Variants in CD2AP observed in about 807,000 individuals in gnomAD.
The protein encoded by CD2AP is CD2 associated protein, also known as CD2-associated protein.
CD2AP carries 46 observed loss-of-function variants against 85.1 expected under a neutral mutation model. That is an observed-to-expected ratio of 0.54 (90% confidence interval 0.43 to 0.69). The LOEUF (loss-of-function observed/expected upper bound fraction) is 0.69, where lower values mean the gene tolerates loss of function less well. Ranked by LOEUF, CD2AP falls within the 30% of genes least tolerant of loss-of-function variation. CD2AP has a pLI of 0.00. For missense variants in CD2AP, 769 were observed against 729.5 expected (o/e 1.05, Z -0.62); for synonymous variants, 255 against 252.9 (o/e 1.01, Z -0.08).
At chr6:47,600,484 T>G (rs1420709410) in intron 13 of CD2AP, among the ~76,000 whole-genome samples, 3 of 151,982 alleles carry the variant, frequency 2.0e-5, no homozygotes, top group Admixed American at 1.3e-4. Context: ...GCAAAGTTTC[T>G]GACTTAAAGT....
intron 17 of CD2AP, among the ~76,000 whole-genome samples, chr6:47,622,720 G>T (rs971098562): frequency 6.6e-6 from 1 of 152,158 alleles, no homozygotes; most frequent in Non-Finnish European, 1.5e-5. Context: ...AGAGCAGTCC[G>T]CTTTCTTCAG....
chr6:47,488,172 TATAA>T (rs139020301), intron 1 of CD2AP, among the ~76,000 whole-genome samples: 2,371 of 152,220 alleles, frequency 0.016, 42 homozygotes, highest in African/African-American at 0.038. Context: ...ACTCCGTGTG[TATAA>T]ATAAAGGGAA....
At chr6:47,623,404 C>T (rs1011780045) in intron 17 of CD2AP, among the ~76,000 whole-genome samples, 5 of 152,046 alleles carry the variant, frequency 3.3e-5, no homozygotes, top group African/African-American at 1.2e-4. Flanking sequence ...GAAGAGAAAT[C>T]AATATAAAAA....
At chr6:47,612,623 C>T (rs1302138217) in intron 17 of CD2AP, 87 bp downstream of exon 17, 4 of 847,994 alleles carry the variant, frequency 4.7e-6, no homozygotes, top group East Asian at 5.2e-5. Flanking sequence ...GGTTCCTGTA[C>T]AAATTATGCT....
At chr6:47,484,109 C>G (rs537417435) in intron 1 of CD2AP, among the ~76,000 whole-genome samples, 58 of 151,692 alleles carry the variant, frequency 3.8e-4, no homozygotes, top group African/African-American at 1.4e-3. Context: ...TGGCAATACT[C>G]CCTCATACTC....
chr6:47,592,578 C>A (rs1768831805), intron 11 of CD2AP, among the ~76,000 whole-genome samples: 2 of 152,102 alleles, frequency 1.3e-5, no homozygotes, highest in Non-Finnish European at 2.9e-5. Context: ...TTATTTATAA[C>A]AAGCATCTTT....
Position 47,518,788 on chromosome 6 carries a change from C to G in CD2AP, c.166-14814C>G, listed in dbSNP as rs1766513765. ...TCTAGTTGTACATCTTTTTAAAAAT[C>G]AACCACATGTCCCTTTTTGCAATAG... On this transcript the variant is annotated intron_variant, in intron 2 of 17. Coordinates refer to ENST00000359314, the MANE Select transcript of CD2AP (RefSeq NM_012120.3). Among the ~76,000 whole-genome samples, 3 of 152,218 alleles carry G rather than the reference C, an allele frequency of 2.0e-5. No homozygotes were observed. The South Asian group carries it at 6.2e-4, about 32-fold the overall frequency.
At chr6:47,547,841 G>T (rs1001050121) in intron 4 of CD2AP, among the ~76,000 whole-genome samples, 1 of 151,996 alleles carries the variant, frequency 6.6e-6, no homozygotes, top group African/African-American at 2.4e-5. Context: ...ACACCACAGC[G>T]AAATAAAACT....
intron 1 of CD2AP, among the ~76,000 whole-genome samples, chr6:47,495,597 C>T (rs1017950146): frequency 9.2e-5 from 14 of 152,140 alleles, no homozygotes; most frequent in African/African-American, 3.1e-4. Flanking sequence ...TAGATCTCGT[C>T]CGTGACTCTC....
intron 2 of CD2AP, among the ~76,000 whole-genome samples, chr6:47,520,969 T>A (rs1766573624): frequency 6.6e-6 from 1 of 152,112 alleles, no homozygotes; most frequent in Non-Finnish European, 1.5e-5. Flanking sequence ...GTGAACTCAC[T>A]GCCATGTTGT....
At position 47,501,733 on chromosome 6, in the gene CD2AP, A is replaced by AT. The variant is rs546258089; in HGVS notation, c.5-1546dup. 1.2e-3 allele frequency among the ~76,000 whole-genome samples: 182 copies of AT among 152,118 alleles called. 2 individuals are homozygous for AT. Among genetic ancestry groups the AT allele is most frequent in the African/African-American group, 4.2e-3 (174 of 41,504 alleles). On this transcript the variant is annotated intron_variant, in intron 1 of 17. Transcript: ENST00000359314. Reference sequence around the variant, plus strand: ...GGAGGAAGAAAAGATGAATGGGGATATGGCTAGTCTGCTATCTTGAGCAGG... The same window carrying AT: ...GGAGGAAGAAAAGATGAATGGGGATATTGGCTAGTCTGCTATCTTGAGCAGG...
In CD2AP at chr6:47,599,340, A is replaced by G; in HGVS notation, c.1314A>G (p.Glu438=). Residue 438 remains glutamate (E), a synonymous_variant, in exon 13 of 18, where the codon GAA becomes GAG. Transcript: ENST00000359314. ...GEVSSISSKF[E]TEPVSKLKLD... The stretch of plus-strand genomic sequence containing the variant: ...TTTCTAGCATTTCATCAAAATTTGA[A>G]ACTGAGCCAGTATCAAAACTAAAGC... 3.1e-6 allele frequency: 5 copies of G among 1,612,118 alleles called. No individual in the cohort carries two copies. The highest frequency in any genetic ancestry group is 4.2e-6 in the Non-Finnish European group (5 of 1,178,688).
chr6:47,536,049 C>T (rs1767036243), intron 3 of CD2AP, among the ~76,000 whole-genome samples: 1 of 152,094 alleles, frequency 6.6e-6, no homozygotes, highest in South Asian at 2.1e-4. Context: ...GCAGTTGGTG[C>T]CAGGAAGCTT....
At chr6:47,501,327 A>G (rs1176344916) in intron 1 of CD2AP, among the ~76,000 whole-genome samples, 1 of 152,240 alleles carries the variant, frequency 6.6e-6, no homozygotes, top group Admixed American at 6.5e-5. Flanking sequence ...TACATAGACT[A>G]TCTGTAGACC....
At chr6:47,514,972 A>T (rs1208685895) in intron 2 of CD2AP, among the ~76,000 whole-genome samples, 2 of 151,946 alleles carry the variant, frequency 1.3e-5, no homozygotes, top group African/African-American at 4.8e-5. Flanking sequence ...GAATTGCTTG[A>T]ACCCAGGAGG....
chr6:47,582,005 C>G lies in CD2AP; in HGVS notation c.1048C>G (p.Pro350Ala). Residue 350 changes from proline to alanine, a missense_variant and splice_region_variant, in exon 11 of 18, where the codon CCA (proline) becomes GCA (alanine). Transcript: ENST00000359314. ...AGTATTAATGTTTTTTCCCATAGCTCCAAAGCCTGAACTGATAGCTGCAGA... is the reference window on the plus strand; with the variant it reads ...AGTATTAATGTTTTTTCCCATAGCTGCAAAGCCTGAACTGATAGCTGCAGA... ...KPPPPAKAPAPKPELIAAEKK... is the reference protein window; with the variant it reads ...KPPPPAKAPAAKPELIAAEKK... 1 of 1,601,026 alleles carries G rather than the reference C, an allele frequency of 6.2e-7. No individual in the cohort carries two copies. Among genetic ancestry groups the G allele is most frequent in the East Asian group, 2.2e-5 (1 of 44,680 alleles).
At chr6:47,531,137 AGAGTAAAAAATT>A (rs2114021922) in intron 2 of CD2AP, among the ~76,000 whole-genome samples, 1 of 152,208 alleles carries the variant, frequency 6.6e-6, no homozygotes, top group South Asian at 2.1e-4. Context: ...TCAGCTTTTA[AGAGTAAAAAATT>A]TCTTTAAGAA....
At chr6:47,558,850 G>A (rs900473132) in intron 5 of CD2AP, among the ~76,000 whole-genome samples, 6 of 152,128 alleles carry the variant, frequency 3.9e-5, no homozygotes, top group Non-Finnish European at 8.8e-5. Flanking sequence ...AATGAGTTAC[G>A]GAGGAGTCCT....
intron 16 of CD2AP, 142 bp from the exon 17 acceptor site, chr6:47,612,331 C>T (rs1022703516): frequency 4.8e-6 from 3 of 631,516 alleles, no homozygotes; most frequent in African/African-American, 3.7e-5. Context: ...GAGAATCTTA[C>T]ATTTTTCTTA....
Sources: gnomAD v4.1 joint callset for allele counts (sites outside exome capture counted in the v4.1 genomes callset) on GRCh38, gnomAD v4.1.1 for gene constraint, MANE v1.5 for transcripts, NCBI Gene and HGNC (gene_info 2026-07-23, HGNC 2026-07-21) for gene names.